IMMP2L: variants seen among roughly 807,000 people sequenced by gnomAD.
IMMP2L encodes mitochondrial inner membrane protease subunit 2.
A neutral mutation model predicts 19.3 loss-of-function variants in IMMP2L; 18 were observed. The ratio of observed to expected loss-of-function variants is 0.93; its 90% CI spans 0.64 to 1.38. The LOEUF (loss-of-function observed/expected upper bound fraction) is 1.38. Ranked by LOEUF, IMMP2L falls within the 40% of genes most tolerant of loss-of-function variation. IMMP2L has a pLI of 0.00. For missense variants in IMMP2L, 233 were observed against 218.2 expected (o/e 1.07, Z -0.43); for synonymous variants, 76 against 73.0 (o/e 1.04, Z -0.21).
At chr7:111,312,422 T>C (rs1180797252) in intron 3 of IMMP2L, among the ~76,000 whole-genome samples, 3 of 152,158 alleles carry the variant, frequency 2.0e-5, no homozygotes, top group African/African-American at 7.2e-5. Flanking sequence ...TGAAGTTTGG[T>C]TCTTATTTTC....
At chr7:111,029,700 A>G (rs1585840979) in intron 3 of IMMP2L, among the ~76,000 whole-genome samples, 1 of 152,184 alleles carries the variant, frequency 6.6e-6, no homozygotes, top group Non-Finnish European at 1.5e-5. Context: ...TGACTGTTAT[A>G]GTTAGAAAAC....
At chr7:110,733,503 G>A (rs1584651653) in intron 5 of IMMP2L, among the ~76,000 whole-genome samples, 1 of 148,780 alleles carries the variant, frequency 6.7e-6, no homozygotes. Flanking sequence ...CTAAAAATGT[G>A]TGTATTTCTA....
chr7:111,147,357 G>C (rs1803589808), intron 3 of IMMP2L, among the ~76,000 whole-genome samples: 1 of 151,970 alleles, frequency 6.6e-6, no homozygotes, highest in African/African-American at 2.4e-5. Flanking sequence ...GTCTTGCATG[G>C]GACTTTTCTG....
chr7:111,465,670 A>T (rs1026839648), intron 3 of IMMP2L, among the ~76,000 whole-genome samples: 38 of 152,046 alleles, frequency 2.5e-4, no homozygotes, highest in African/African-American at 9.2e-4. Flanking sequence ...AAAAGTCAGG[A>T]AACAACAGGT....
rs574436536 is a variant in IMMP2L, at chr7:110,819,713, T to G, written c.408+66880A>C. Among the ~76,000 whole-genome samples the G allele has an allele frequency of 2.0e-5, 3 of 152,158 alleles. No individual in the cohort carries two copies. In the South Asian group the frequency reaches 6.2e-4, roughly 32 times the overall value. On this transcript the variant is annotated intron_variant, in intron 5 of 5. Coordinates refer to ENST00000405709, the MANE Select transcript of IMMP2L (RefSeq NM_032549.4). ...CCCACTGTAGAACATCATGTGAATT[T>G]TAGAGCTAGAGGAGCTCAGAATGGG...
chr7:111,074,338 A>G (rs1795210511), intron 3 of IMMP2L, among the ~76,000 whole-genome samples: 1 of 152,232 alleles, frequency 6.6e-6, no homozygotes, highest in African/African-American at 2.4e-5. Flanking sequence ...GAGAATTTAT[A>G]GAATACTAAT....
At chr7:110,889,305 T>C (rs1352335891) in intron 4 of IMMP2L, among the ~76,000 whole-genome samples, 2 of 152,176 alleles carry the variant, frequency 1.3e-5, no homozygotes, top group African/African-American at 4.8e-5. Context: ...CAACTCACTA[T>C]AATGTGGAAT....
At chr7:110,733,255 T>A (rs901373448) in intron 5 of IMMP2L, among the ~76,000 whole-genome samples, 3 of 152,188 alleles carry the variant, frequency 2.0e-5, no homozygotes, top group Non-Finnish European at 2.9e-5. Context: ...TCTACTATGA[T>A]GGTTATTATT....
At chr7:111,384,961 G>T (rs1377437410) in intron 3 of IMMP2L, among the ~76,000 whole-genome samples, 1 of 152,040 alleles carries the variant, frequency 6.6e-6, no homozygotes, top group African/African-American at 2.4e-5. Flanking sequence ...TTTTATAGTT[G>T]AGGAAATGAA....
intron 5 of IMMP2L, among the ~76,000 whole-genome samples, chr7:110,808,518 GC>G (rs1801789601): frequency 1.3e-5 from 2 of 152,000 alleles, no homozygotes; most frequent in South Asian, 4.1e-4. Context: ...AAAACATATG[GC>G]ACAAGATCCA....
chr7:111,233,455 T>A (rs989116241), intron 3 of IMMP2L, among the ~76,000 whole-genome samples: 6 of 152,044 alleles, frequency 3.9e-5, no homozygotes, highest in Non-Finnish European at 8.8e-5. Flanking sequence ...TCAGTGGTAA[T>A]TGACAAACTG....
At chr7:111,242,478 G>C (rs138738896) in intron 3 of IMMP2L, among the ~76,000 whole-genome samples, 3 of 152,184 alleles carry the variant, frequency 2.0e-5, no homozygotes, top group African/African-American at 4.8e-5. Context: ...CAGGGGCGCA[G>C]TTAAAGGAAC....
chr7:111,112,358 C>T (rs1015066263), intron 3 of IMMP2L, among the ~76,000 whole-genome samples: 3 of 152,184 alleles, frequency 2.0e-5, no homozygotes, highest in African/African-American at 7.2e-5. Context: ...ACATCAAGAA[C>T]TTTAACTCTG....
rs556376828 is a variant in IMMP2L at position 110,924,298 on chromosome 7, G to A, written c.306-37603C>T. On this transcript the variant is annotated intron_variant, in intron 4 of 5. Transcript: ENST00000405709. This position sits in a 1 kb window ranked among gnomAD's most constrained non-coding sequence, Gnocchi z 4.2. ...TTCTGGTGAAAACGTTTGTAGTTCT[G>A]CAGGCAGATAAAAGGGTGTGGATAG... Among the ~76,000 whole-genome samples, 1 of 152,248 alleles carries A rather than the reference G, an allele frequency of 6.6e-6. No individual in the cohort carries two copies. Among genetic ancestry groups the A allele is most frequent in the South Asian group, 2.1e-4 (1 of 4,822 alleles).
At chr7:111,066,753 T>G (rs1794539679) in intron 3 of IMMP2L, among the ~76,000 whole-genome samples, 1 of 152,166 alleles carries the variant, frequency 6.6e-6, no homozygotes, top group South Asian at 2.1e-4. Flanking sequence ...GTCAGGAGTG[T>G]CTGATTGCCT....
intron 3 of IMMP2L, among the ~76,000 whole-genome samples, chr7:111,042,359 T>C (rs1372882684): frequency 1.3e-5 from 2 of 152,144 alleles, no homozygotes; most frequent in Non-Finnish European, 2.9e-5. Context: ...TTTGTATTTT[T>C]ATTAGAGAAG....
In IMMP2L at chr7:110,789,251, T is replaced by C. The variant is rs376139299; in HGVS notation, c.408+97342A>G. 5.1e-4 allele frequency among the ~76,000 whole-genome samples: 77 copies of C among 151,906 alleles called. 4 individuals are homozygous for C. Among genetic ancestry groups the C allele is most frequent in the African/African-American group, 1.9e-3 (77 of 41,276 alleles). ...GACAAGATGCCCCTGCTGTGTCCCATTTGAATTTCTAACCTATCAAACATG... is the reference window on the plus strand; with the variant it reads ...GACAAGATGCCCCTGCTGTGTCCCACTTGAATTTCTAACCTATCAAACATG... On this transcript the variant is annotated intron_variant, in intron 5 of 5. Coordinates refer to ENST00000405709, the MANE Select transcript of IMMP2L (RefSeq NM_032549.4).
At chr7:110,999,074 T>C (rs1823348977) in intron 3 of IMMP2L, among the ~76,000 whole-genome samples, 1 of 152,158 alleles carries the variant, frequency 6.6e-6, no homozygotes, top group African/African-American at 2.4e-5. Context: ...TCAAAAACAA[T>C]GCTCCATCTT....
Position 111,539,208 on chromosome 7 carries a change from A to AGGAAGG in IMMP2L, c.-2-17760_-2-17759insCCTTCC, listed in dbSNP as rs1291310513. ...GGAAGGAAGGAGGGAGAAAGAAAGA[A>AGGAAGG]AGAAAGAAAGAAAGAAAGAAAGAAA... On this transcript the variant is annotated intron_variant, in intron 1 of 5. Transcript: ENST00000405709. 4.8e-3 allele frequency among the ~76,000 whole-genome samples: 219 copies of AGGAAGG among 45,678 alleles called. 27 individuals are homozygous for AGGAAGG. Among genetic ancestry groups the AGGAAGG allele is most frequent in the East Asian group, 6.7e-3 (10 of 1,488 alleles). 30.0% of individuals were successfully genotyped at this position (45,678 alleles called of 152,430 possible).
Sources: gnomAD v4.1 joint callset for allele counts (sites outside exome capture counted in the v4.1 genomes callset) on GRCh38, gnomAD v4.1.1 for gene constraint, Gnocchi (gnomAD v3.1) non-coding constraint, MANE v1.5 for transcripts, NCBI Gene and HGNC (gene_info 2026-07-23, HGNC 2026-07-21) for gene names.